Variants in ATR observed in about 807,000 individuals in gnomAD.
ATR encodes the protein ATR checkpoint kinase.
In ATR, 142 loss-of-function variants were observed where a neutral mutation model predicts 305.3. That is an observed-to-expected ratio of 0.47 (90% CI 0.41 to 0.53). ATR has a LOEUF of 0.53. Among genes scored for constraint, ATR ranks in the 20% least tolerant of loss-of-function variants. The pLI is 0.00. For synonymous variants in ATR, 1,050 were observed against 1,068.1 expected (o/e 0.98, Z 0.33); for missense variants, 2,135 against 3,133.1 (o/e 0.68, Z 7.60).
intron 39 of ATR, 64 bp from the exon 40 acceptor site, chr3:142,466,597 C>T (rs2071137280): frequency 6.9e-7 from 1 of 1,439,546 alleles, no homozygotes; most frequent in African/African-American, 1.4e-5. Flanking sequence ...ACAAAAATTT[C>T]ACTTTTACAA....
At chr3:142,508,698 C>T (rs1466864088) in intron 27 of ATR, among the ~76,000 whole-genome samples, 1 of 151,884 alleles carries the variant, frequency 6.6e-6, no homozygotes, top group Non-Finnish European at 1.5e-5. Flanking sequence ...CCGAGGCAGG[C>T]GGATCACAAG....
chr3:142,481,498 A>G (rs1042954634), intron 36 of ATR, among the ~76,000 whole-genome samples: 19 of 152,174 alleles, frequency 1.2e-4, no homozygotes, highest in Admixed American at 5.2e-4. Context: ...GTAGCAATTC[A>G]ATGCAAAGAA....
At chr3:142,568,293 A>G in intron 1 of ATR, 139 bp from the exon 2 acceptor site, 1 of 692,966 alleles carries the variant, frequency 1.4e-6, no homozygotes, top group Non-Finnish European at 2.5e-6. Flanking sequence ...TAAAAATTGA[A>G]AAGAAAATCT....
At chr3:142,504,952 C>A (rs548991267) in intron 29 of ATR, among the ~76,000 whole-genome samples, 187 bp downstream of exon 29, 1 of 152,004 alleles carries the variant, frequency 6.6e-6, no homozygotes, top group African/African-American at 2.4e-5. Context: ...GAGGCTGAGG[C>A]AGAATTGCTT....
At chr3:142,559,015 C>A in intron 7 of ATR, 1 of 620,830 alleles carries the variant, frequency 1.6e-6, no homozygotes, top group Non-Finnish European at 2.7e-6. Context: ...CCTCAAACTC[C>A]CAAATTAAAA....
chr3:142,455,667 G>A (rs144742966), intron 45 of ATR, among the ~76,000 whole-genome samples: 1,687 of 152,282 alleles, frequency 0.011, 25 homozygotes, highest in South Asian at 0.033. Flanking sequence ...ATGGTGCTGT[G>A]ACTAATGGAT....
At chr3:142,557,626 G>A (rs2034718719) in intron 8 of ATR, among the ~76,000 whole-genome samples, 1 of 152,000 alleles carries the variant, frequency 6.6e-6, no homozygotes, top group Non-Finnish European at 1.5e-5. Context: ...AAAAATGAGG[G>A]GAATGAAATC....
chr3:142,527,027 A>G (rs545758382), intron 21 of ATR, among the ~76,000 whole-genome samples: 23 of 152,078 alleles, frequency 1.5e-4, no homozygotes, highest in Non-Finnish European at 3.2e-4. Flanking sequence ...GGGCTCAAGC[A>G]ATCCATCTGC....
chr3:142,450,694 G>A (rs1417739188), intron 46 of ATR: 8 of 1,591,228 alleles, frequency 5.0e-6, no homozygotes, highest in African/African-American at 4.0e-5. Flanking sequence ...GATTAAGGGT[G>A]CAACAAAAAC....
intron 2 of ATR, 77 bp from the exon 3 acceptor site, chr3:142,566,338 G>C (rs1210541741): frequency 1.3e-6 from 2 of 1,520,038 alleles, no homozygotes; most frequent in East Asian, 4.7e-5. Context: ...CAGACTGTGG[G>C]CCAGGCAAGG....
intron 36 of ATR, among the ~76,000 whole-genome samples, chr3:142,484,802 T>A (rs1261722122): frequency 6.6e-6 from 1 of 152,098 alleles, no homozygotes; most frequent in African/African-American, 2.4e-5. Flanking sequence ...ACCAAGCTGG[T>A]GTCCACTGCT....
intron 11 of ATR, 23 bp downstream of exon 11, chr3:142,553,802 T>C: frequency 1.9e-6 from 3 of 1,612,198 alleles, no homozygotes; most frequent in Non-Finnish European, 2.5e-6. Context: ...TAAACTCAAA[T>C]GTTAAAAACA....
At position 142,522,820 on chromosome 3, in the gene ATR, A is replaced by G. The variant is rs997626299; in HGVS notation, c.4174T>C (p.Phe1392Leu). Residue 1392 changes from phenylalanine (F) to leucine (L), a missense_variant, in exon 23 of 47, where the codon TTT becomes CTT. Physicochemically the swap from Phe to Leu is conservative, Grantham distance 22. Around this residue, in one of 9 missense-constraint regions of ATR, gnomAD observed 530 missense variants for 766.8 expected, o/e 0.69. Coordinates refer to ENST00000350721, the MANE Select transcript of ATR (RefSeq NM_001184.4). ...AGCTCCATCAATAATCCATAGGCAA[A>G]GCTTGAATCTTCTACTCCAGTCTCA... ...TFVTGVEDSS[F>L]AYGLLMELTR... 1 of 1,613,096 alleles carries G rather than the reference A, an allele frequency of 6.2e-7. No individual in the cohort carries two copies. Among genetic ancestry groups the G allele is most frequent in the Non-Finnish European group, 8.5e-7 (1 of 1,179,156 alleles).
At position 142,470,735 on chromosome 3, in the gene ATR, C is replaced by T. The variant is rs140269332; in HGVS notation, c.6222-552G>A. On this transcript the variant is annotated intron_variant, in intron 36 of 46. Transcript: ENST00000350721. Reference sequence around the variant, plus strand: ...TCAAACATTCAGAATCTTTTATCTCCATAATTTTCCAATCTTAGCATCTTG... The same window carrying T: ...TCAAACATTCAGAATCTTTTATCTCTATAATTTTCCAATCTTAGCATCTTG... 3.7e-4 allele frequency among the ~76,000 whole-genome samples: 56 copies of T among 152,160 alleles called. 1 individual carries two copies. The highest frequency in any genetic ancestry group is 1.1e-3 in the African/African-American group (47 of 41,512).
chr3:142,514,756 C>A (rs1225719842), intron 25 of ATR, among the ~76,000 whole-genome samples: 2 of 139,854 alleles, frequency 1.4e-5, no homozygotes, highest in Non-Finnish European at 3.0e-5. Context: ...TACAGTGAGC[C>A]GAGATCGCAC....
At chr3:142,511,817 A>G (rs1224185330) in intron 27 of ATR, among the ~76,000 whole-genome samples, 1 of 152,066 alleles carries the variant, frequency 6.6e-6, no homozygotes, top group Non-Finnish European at 1.5e-5. Context: ...TACCCATTTT[A>G]AAAATACACA....
intron 13 of ATR, among the ~76,000 whole-genome samples, chr3:142,552,378 T>C (rs148591360): frequency 0.025 from 3,770 of 152,210 alleles, 79 homozygotes; most frequent in Middle Eastern, 0.054. Flanking sequence ...CCATTTACAA[T>C]AGCAAAGTTG....
intron 45 of ATR, 150 bp from the exon 46 acceptor site, chr3:142,453,383 T>C (rs528973840): frequency 2.1e-5 from 24 of 1,140,496 alleles, no homozygotes; most frequent in Middle Eastern, 2.9e-4. Flanking sequence ...GAAATTTCTG[T>C]TTTGGTGTGA....
At chr3:142,471,080 G>A (rs1020151713) in intron 36 of ATR, among the ~76,000 whole-genome samples, 1 of 151,894 alleles carries the variant, frequency 6.6e-6, no homozygotes, top group Non-Finnish European at 1.5e-5. Context: ...TTGGAACCTC[G>A]TACCTATTAA....
Sources: gnomAD v4.1 joint callset for allele counts (sites outside exome capture counted in the v4.1 genomes callset) on GRCh38, gnomAD v4.1.1 for gene constraint, gnomAD v4.1.1 regional missense constraint, MANE v1.5 for transcripts, NCBI Gene and HGNC (gene_info 2026-07-23, HGNC 2026-07-21) for gene names.